The following PTPRO variants were observed in gnomAD, a reference collection of about 807,000 sequenced individuals.
PTPRO encodes protein tyrosine phosphatase receptor type O, also known as receptor-type tyrosine-protein phosphatase O.
In PTPRO, 62 loss-of-function variants were observed where a neutral mutation model predicts 145.2. The observed-to-expected ratio is 0.43, with a 90% CI of 0.35 to 0.53. The LOEUF (loss-of-function observed/expected upper bound fraction) is 0.53, where lower values mean the gene tolerates loss of function less well. Ranked by LOEUF, PTPRO falls within the 20% of genes least tolerant of loss-of-function variation. PTPRO has a pLI of 0.01. For missense variants in PTPRO, 1,345 were observed against 1,482.7 expected (o/e 0.91, Z 1.53); for synonymous variants, 565 against 514.7 (o/e 1.10, Z -1.32).
rs1185736398 is a variant in PTPRO, at chr12:15,594,930, G to A, written c.3547-7G>A. ...GCTCTGAAACCTGTTTTTGTCTTTTGTTCCAGGAGCAGTACATTTTTATCC... is the reference window on the plus strand; with the variant it reads ...GCTCTGAAACCTGTTTTTGTCTTTTATTCCAGGAGCAGTACATTTTTATCC... On this transcript the variant is annotated splice_polypyrimidine_tract_variant and splice_region_variant and intron_variant, in intron 25 of 26. Coordinates refer to ENST00000281171, the MANE Select transcript of PTPRO (RefSeq NM_030667.3). 6.2e-7 allele frequency: 1 copy of A among 1,610,206 alleles called. No individual in the cohort carries two copies. Among genetic ancestry groups the A allele is most frequent in the Non-Finnish European group, 8.5e-7 (1 of 1,176,996 alleles).
At chr12:15,379,411 A>G (rs1157016092) in intron 1 of PTPRO, among the ~76,000 whole-genome samples, 3 of 151,534 alleles carry the variant, frequency 2.0e-5, no homozygotes, top group South Asian at 4.2e-4. Context: ...CACACCTGTA[A>G]TTCCAGCTGC....
chr12:15,455,428 G>T (rs1397213331), intron 1 of PTPRO, among the ~76,000 whole-genome samples: 1 of 151,848 alleles, frequency 6.6e-6, no homozygotes, highest in Admixed American at 6.6e-5. Flanking sequence ...TTTGCAGATT[G>T]CACAATAAGA....
In PTPRO at chr12:15,360,363, T is replaced by C. The variant is rs1938135460; in HGVS notation, c.75+37562T>C. Among the ~76,000 whole-genome samples the C allele has an allele frequency of 4.6e-5, 7 of 152,110 alleles. No homozygotes were observed. The South Asian group carries it at 1.5e-3, about 32-fold the overall frequency. On this transcript the variant is annotated intron_variant, in intron 1 of 26. Transcript: ENST00000281171. ...AACATCTCTGATTATAAGTAGAAAA[T>C]ACATTTTCAAAGCATATAGTGATAC...
intron 1 of PTPRO, among the ~76,000 whole-genome samples, chr12:15,360,942 A>C (rs1450354465): frequency 1.1e-4 from 16 of 146,748 alleles, no homozygotes. Context: ...ACATATATAC[A>C]CACGTGTATA....
At chr12:15,323,951 C>T (rs191868886) in intron 1 of PTPRO, among the ~76,000 whole-genome samples, 1 of 152,066 alleles carries the variant, frequency 6.6e-6, no homozygotes, top group Non-Finnish European at 1.5e-5. Context: ...AAAAAAAATT[C>T]AGGGAGAAAC....
intron 1 of PTPRO, among the ~76,000 whole-genome samples, chr12:15,343,832 T>G (rs867307224): frequency 6.6e-6 from 1 of 152,144 alleles, no homozygotes; most frequent in Middle Eastern, 3.2e-3. Context: ...CAGAGGCGCC[T>G]GCCACCACGC....
At chr12:15,475,034 A>C (rs930048440) in intron 1 of PTPRO, among the ~76,000 whole-genome samples, 3 of 152,178 alleles carry the variant, frequency 2.0e-5, no homozygotes, top group African/African-American at 4.8e-5. Flanking sequence ...TGGCTGATAC[A>C]ATCATCCCCA....
intron 12 of PTPRO, among the ~76,000 whole-genome samples, chr12:15,543,488 A>G: frequency 6.6e-6 from 1 of 152,226 alleles, no homozygotes; most frequent in East Asian, 1.9e-4. Flanking sequence ...TAAAAACAGA[A>G]GAGAACATTA....
chr12:15,423,621 T>G (rs1346141087), intron 1 of PTPRO, among the ~76,000 whole-genome samples: 1 of 152,226 alleles, frequency 6.6e-6, no homozygotes, highest in Non-Finnish European at 1.5e-5. Flanking sequence ...GCCAACATTT[T>G]GATTTATTCA....
intron 1 of PTPRO, among the ~76,000 whole-genome samples, chr12:15,403,064 C>A (rs1463711253): frequency 1.3e-5 from 2 of 152,122 alleles, no homozygotes; most frequent in East Asian, 1.9e-4. Context: ...CATTTGATTT[C>A]TTATTCATCT....
Position 15,524,775 on chromosome 12 carries a change from A to G in PTPRO, c.1892-39A>G, listed in dbSNP as rs77346393. The G allele has an allele frequency of 1.2e-3, 1,963 of 1,580,806 alleles. 37 individuals carry two copies. The East Asian group carries it at 0.041, about 33-fold the overall frequency. Reference sequence around the variant, plus strand: ...CTGCTGGTAAGTACTTTATTTATCCATCTATTATACTAAATTGTGCCTCGT... The same window carrying G: ...CTGCTGGTAAGTACTTTATTTATCCGTCTATTATACTAAATTGTGCCTCGT... On this transcript the variant is annotated intron_variant, in intron 10 of 26. Transcript: ENST00000281171.
At chr12:15,459,547 G>A (rs139995979) in intron 1 of PTPRO, among the ~76,000 whole-genome samples, 210 of 152,304 alleles carry the variant, frequency 1.4e-3, no homozygotes, top group African/African-American at 4.8e-3. Context: ...GCTTCAGTGT[G>A]GTTGGTTTTT....
intron 14 of PTPRO, 126 bp from the exon 15 acceptor site, chr12:15,551,425 G>A (rs1264649968): frequency 3.2e-6 from 4 of 1,247,950 alleles, no homozygotes; most frequent in African/African-American, 3.0e-5. Flanking sequence ...TGGGGAACAT[G>A]ATTGTTACTA....
intron 1 of PTPRO, among the ~76,000 whole-genome samples, chr12:15,370,600 T>C (rs913139395): frequency 1.3e-5 from 2 of 152,172 alleles, no homozygotes; most frequent in Non-Finnish European, 2.9e-5. Context: ...GATGGTAATA[T>C]ATGTATGAGA....
intron 1 of PTPRO, among the ~76,000 whole-genome samples, chr12:15,395,962 T>G (rs1939327240): frequency 6.6e-6 from 1 of 152,136 alleles, no homozygotes; most frequent in Non-Finnish European, 1.5e-5. Context: ...TTTGGGATTA[T>G]TAAGGTTATA....
At chr12:15,349,711 C>T (rs1937727594) in intron 1 of PTPRO, among the ~76,000 whole-genome samples, 1 of 152,134 alleles carries the variant, frequency 6.6e-6, no homozygotes. Flanking sequence ...GATTCAAACC[C>T]AGTTGTTAAT....
intron 1 of PTPRO, among the ~76,000 whole-genome samples, chr12:15,340,133 T>C (rs775490268): frequency 6.6e-6 from 1 of 152,166 alleles, no homozygotes; most frequent in Non-Finnish European, 1.5e-5. Flanking sequence ...CATTATCTCA[T>C]CGAATCCTTA....
At chr12:15,518,791 C>G (rs1414253930) in intron 9 of PTPRO, among the ~76,000 whole-genome samples, 1 of 152,206 alleles carries the variant, frequency 6.6e-6, no homozygotes, top group Non-Finnish European at 1.5e-5. Flanking sequence ...AGTTCTTCAT[C>G]CCCATCTGAG....
chr12:15,400,810 G>A (rs1020582948), intron 1 of PTPRO, among the ~76,000 whole-genome samples: 4 of 152,152 alleles, frequency 2.6e-5, no homozygotes, highest in South Asian at 2.1e-4. Context: ...CCATTCTAGT[G>A]AGTAACACTA....
Sources: allele counts gnomAD v4.1 joint callset (sites outside exome capture counted in the v4.1 genomes callset), GRCh38; gene constraint gnomAD v4.1.1; transcripts MANE v1.5; gene names NCBI Gene and HGNC (gene_info 2026-07-23, HGNC 2026-07-21).